Variants in SYMPK observed in about 807,000 individuals in gnomAD.
The protein encoded by SYMPK is symplekin.
Under a neutral mutation model 136.4 loss-of-function variants are expected in SYMPK, and 49 were observed. That is an observed-to-expected ratio of 0.36 (90% CI 0.29 to 0.46). The LOEUF (loss-of-function observed/expected upper bound fraction) is 0.46. SYMPK is among the 20% of genes least tolerant of loss of function. SYMPK has a pLI of 1.00. For synonymous variants in SYMPK, 766 were observed against 713.0 expected (o/e 1.07, Z -1.19); for missense variants, 1,365 against 1,690.0 (o/e 0.81, Z 3.37).
In SYMPK at chr19:45,852,331, C is replaced by T. The variant is rs770918794; in HGVS notation, c.280G>A (p.Gly94Ser). ...CCATACCATGCCTCCTCGATGAAGCCGATGACAAATTTTCGCACTTCGATT... is the reference window on the plus strand; with the variant it reads ...CCATACCATGCCTCCTCGATGAAGCTGATGACAAATTTTCGCACTTCGATT... ...KSIEVRKFVI[G>S]FIEEACKRDI... Residue 94 changes from glycine (G) to serine (S), a missense_variant, in exon 5 of 27, where the codon GGC becomes AGC. Coordinates refer to ENST00000245934, the MANE Select transcript of SYMPK (RefSeq NM_004819.3). The T allele has an allele frequency of 9.9e-6, 16 of 1,614,074 alleles. No individual in the cohort carries two copies. The highest frequency in any genetic ancestry group is 4.5e-5 in the East Asian group (2 of 44,894).
At chr19:45,817,417 CTTTTT>C (rs559430104) in intron 23 of SYMPK, among the ~76,000 whole-genome samples, 1,896 of 108,468 alleles carry the variant, frequency 0.017, 43 homozygotes, top group South Asian at 0.069. Flanking sequence ...TTTTTGTTCT[CTTTTT>C]TTTTTTTTTT....
intron 5 of SYMPK, among the ~76,000 whole-genome samples, chr19:45,851,118 G>A (rs1040769279): frequency 5.9e-5 from 9 of 152,194 alleles, no homozygotes; most frequent in Admixed American, 5.2e-4. Context: ...TGGGGTCTGA[G>A]AGCAGGGGTG....
intron 1 of SYMPK, among the ~76,000 whole-genome samples, chr19:45,861,042 G>A (rs1971954765): frequency 6.6e-6 from 1 of 152,130 alleles, no homozygotes; most frequent in Non-Finnish European, 1.5e-5. Flanking sequence ...GTTTACGTAA[G>A]CCAAGGATCC....
Position 45,827,736 on chromosome 19 carries a change from A to G in SYMPK, c.2067+101T>C, listed in dbSNP as rs537836424. ...TGGACAAAAGGGCCCGGTCCCTCAC[A>G]AAACCCCCGGCCACAAGGTTTAGAC... On this transcript the variant is annotated intron_variant, in intron 15 of 26. Transcript: ENST00000245934. 5 of 1,516,282 alleles carry G rather than the reference A, an allele frequency of 3.3e-6. No homozygotes were observed. In the African/African-American group the frequency reaches 5.5e-5, roughly 17 times the overall value. 93.9% of individuals were successfully genotyped at this position (1,516,282 alleles called of 1,614,324 possible).
intron 11 of SYMPK, among the ~76,000 whole-genome samples, chr19:45,832,816 C>G (rs1000608028): frequency 2.0e-5 from 3 of 147,888 alleles, no homozygotes; most frequent in Non-Finnish European, 4.5e-5. Context: ...TCGAGACCAG[C>G]CTGGCCAACA....
At chr19:45,862,885 T>G (rs1054280436) in intron 1 of SYMPK, among the ~76,000 whole-genome samples, 173 bp downstream of exon 1, 3 of 152,158 alleles carry the variant, frequency 2.0e-5, no homozygotes, top group Non-Finnish European at 4.4e-5. Context: ...ACGTTGGAAC[T>G]TTGCCTCGAG....
intron 5 of SYMPK, among the ~76,000 whole-genome samples, chr19:45,850,962 C>T (rs147200510): frequency 4.3e-4 from 66 of 151,888 alleles, no homozygotes; most frequent in African/African-American, 1.5e-3. Flanking sequence ...AACCTGGGGA[C>T]GAGGGCCCCT....
intron 5 of SYMPK, among the ~76,000 whole-genome samples, chr19:45,850,917 G>C (rs1231075941): frequency 1.3e-5 from 2 of 149,902 alleles, no homozygotes; most frequent in African/African-American, 2.4e-5. Context: ...TTCTGAGGAA[G>C]AGACCTGAGG....
chr19:45,854,074 G>T, intron 3 of SYMPK, 101 bp downstream of exon 3: 1 of 1,114,148 alleles, frequency 9.0e-7, no homozygotes, highest in Non-Finnish European at 1.4e-6. Context: ...CACACACTGA[G>T]TGTGTAAATG....
chr19:45,816,018 G>A lies in SYMPK; in HGVS notation c.3520C>T (p.Pro1174Ser), dbSNP rs374029281. 2 of 1,594,874 alleles carry A rather than the reference G, an allele frequency of 1.3e-6. No homozygotes were observed. Among genetic ancestry groups the A allele is most frequent in the South Asian group, 1.1e-5 (1 of 88,524 alleles). Reference protein sequence around the residue: ...VGAPSSSSPSPSPSARPGPPP... With the variant: ...VGAPSSSSPSSSPSARPGPPP... ...GGGCCTGGCCGGGCCGACGGAGAGG[G>A]AGAGGGGGAGGAAGAGGAGGGGGCT... Residue 1174 changes from proline (P) to serine (S), a missense_variant, in exon 26 of 27, where the codon CCC (proline) becomes TCC (serine). Coordinates refer to ENST00000245934, the MANE Select transcript of SYMPK (RefSeq NM_004819.3).
Position 45,816,584 on chromosome 19 carries a change from G to A in SYMPK, c.3259-7C>T, listed in dbSNP as rs770316404. 2.3e-5 allele frequency: 37 copies of A among 1,613,356 alleles called. No individual in the cohort carries two copies. Among genetic ancestry groups the A allele is most frequent in the Non-Finnish European group, 3.0e-5 (35 of 1,179,968 alleles). On this transcript the variant is annotated splice_polypyrimidine_tract_variant and splice_region_variant and intron_variant, in intron 24 of 26. Coordinates refer to ENST00000245934, the MANE Select transcript of SYMPK (RefSeq NM_004819.3). ...AGTTAGGGATGTGAGCTTGCTGGGT[G>A]GAGAGCAGGAAGGGGGCGCTGGGGG...
At chr19:45,839,270 C>A (rs1241696466) in intron 9 of SYMPK, among the ~76,000 whole-genome samples, 1 of 152,150 alleles carries the variant, frequency 6.6e-6, no homozygotes, top group Admixed American at 6.5e-5. Context: ...TGGGCTCAGA[C>A]CTTGATTTCT....
intron 5 of SYMPK, 128 bp from the exon 6 acceptor site, chr19:45,849,004 C>A: frequency 8.8e-7 from 1 of 1,140,546 alleles, no homozygotes. Context: ...CATCCAGAAG[C>A]TGGGAACAGT....
At chr19:45,827,740 C>A (rs1971078628) in intron 15 of SYMPK, 97 bp downstream of exon 15, 3 of 1,512,578 alleles carry the variant, frequency 2.0e-6, no homozygotes, top group Non-Finnish European at 2.8e-6. Flanking sequence ...CCTCACAAAA[C>A]CCCCGGCCAC....
rs1970879302 is a variant in SYMPK at position 45,821,164 on chromosome 19, G to A, written c.2893+220C>T. 4 of 531,164 alleles carry A rather than the reference G, an allele frequency of 7.5e-6. No individual in the cohort carries two copies. Among genetic ancestry groups the A allele is most frequent in the Middle Eastern group, 2.9e-4 (1 of 3,504 alleles). The allele number at this position is 531,164 out of a possible 1,614,324, so 32.9% of individuals were successfully genotyped here. A position where few individuals can be genotyped will look rare whatever the true frequency, so the allele number is the denominator to read the frequency against. On this transcript the variant is annotated intron_variant, in intron 22 of 26. Coordinates refer to ENST00000245934, the MANE Select transcript of SYMPK (RefSeq NM_004819.3). The surrounding 1 kb of genome is among the most constrained non-coding windows in gnomAD (Gnocchi z 4.4). ...AGGCAGAAAAAGGTGGGTTGTAAAG[G>A]GTAAAACCTGGGAGGAAGGAAGGAG...
intron 1 of SYMPK, among the ~76,000 whole-genome samples, chr19:45,858,255 C>G (rs1463703648): frequency 1.3e-5 from 2 of 152,130 alleles, no homozygotes; most frequent in Non-Finnish European, 2.9e-5. Context: ...GCCAATGTCC[C>G]CATCAAGGCC....
intron 23 of SYMPK, among the ~76,000 whole-genome samples, chr19:45,817,333 G>C (rs1044604075): frequency 6.6e-6 from 1 of 151,496 alleles, no homozygotes; most frequent in Non-Finnish European, 1.5e-5. Flanking sequence ...GCCGGTGCCG[G>C]GACCTGTCCT....
intron 13 of SYMPK, among the ~76,000 whole-genome samples, chr19:45,829,561 G>C (rs1237870965): frequency 2.6e-5 from 4 of 152,066 alleles, no homozygotes; most frequent in South Asian, 2.1e-4. Flanking sequence ...ACTGGATCTG[G>C]ATTCCCCGGA....
chr19:45,826,442 CA>C, intron 16 of SYMPK, 69 bp from the exon 17 acceptor site: 8 of 1,534,842 alleles, frequency 5.2e-6, no homozygotes, highest in Non-Finnish European at 7.2e-6. Context: ...TTCCTGCGAG[CA>C]TGGCAACACT....
Sources: gnomAD v4.1 joint callset for allele counts (sites outside exome capture counted in the v4.1 genomes callset) on GRCh38, gnomAD v4.1.1 for gene constraint, Gnocchi (gnomAD v3.1) non-coding constraint, MANE v1.5 for transcripts, NCBI Gene and HGNC (gene_info 2026-07-23, HGNC 2026-07-21) for gene names.